The following JUP variants were observed in gnomAD, a reference collection of about 807,000 sequenced individuals.
JUP encodes catenin (cadherin-associated protein), gamma 80kDa.
JUP carries 28 observed loss-of-function variants against 71.1 expected under a neutral mutation model. That is an observed-to-expected ratio of 0.39 (90% confidence interval 0.29 to 0.54). The LOEUF is 0.54. Ranked by LOEUF, JUP falls within the 20% of genes least tolerant of loss-of-function variation. The pLI, the probability that JUP is intolerant of heterozygous loss-of-function variation, is 0.62. For synonymous variants in JUP, 401 were observed against 438.9 expected (o/e 0.91, Z 1.08); for missense variants, 869 against 1,030.1 (o/e 0.84, Z 2.14).
chr17:41,758,981 A>T, intron 8 of JUP, 111 bp from the exon 9 acceptor site: 2 of 1,104,642 alleles, frequency 1.8e-6, no homozygotes, highest in Non-Finnish European at 2.5e-6. Context: ...CCCCGAGGCC[A>T]GACACAGACA....
rs1916678676 is a variant in JUP, at chr17:41,771,728, T to C, written c.127A>G (p.Met43Val). The C allele has an allele frequency of 2.5e-6, 4 of 1,614,158 alleles. No homozygotes were observed. The highest frequency in any genetic ancestry group is 1.1e-5 in the South Asian group (1 of 91,086). ...CVPSVSSKGI[M>V]EEDEACGRQY... ...CGCCCGCAGGCCTCATCCTCCTCCA[T>C]GATGCCCTTGCTGCTGACGGAGGGC... Residue 43 changes from methionine to valine, a missense_variant, in exon 2 of 14, where the codon ATG becomes GTG. Transcript: ENST00000393931.
Position 41,757,398 on chromosome 17 carries a change from C to T in JUP, c.2046+17G>A, listed in dbSNP as rs1914003022. On this transcript the variant is annotated intron_variant, in intron 12 of 13. Coordinates refer to ENST00000393931, the MANE Select transcript of JUP (RefSeq NM_002230.4). ...ACTTGCACAACCAACTACTGTGGTCCAACCTAGGATACTCACAGCCTCCCA... is the reference window on the plus strand; with the variant it reads ...ACTTGCACAACCAACTACTGTGGTCTAACCTAGGATACTCACAGCCTCCCA... The T allele has an allele frequency of 3.7e-6, 6 of 1,614,058 alleles. No homozygotes were observed. Among genetic ancestry groups the T allele is most frequent in the Non-Finnish European group, 4.2e-6 (5 of 1,179,998 alleles).
chr17:41,756,264 C>G (rs377537207), intron 12 of JUP, 50 bp from the exon 13 acceptor site: 3 of 1,573,366 alleles, frequency 1.9e-6, no homozygotes, highest in Non-Finnish European at 2.6e-6. Context: ...ATGCAGGCTC[C>G]GAGCTGGATC....
At chr17:41,782,827 C>T (rs1383459699) in intron 1 of JUP, among the ~76,000 whole-genome samples, 3 of 151,974 alleles carry the variant, frequency 2.0e-5, no homozygotes, top group Non-Finnish European at 2.9e-5. Flanking sequence ...AAATCCTTTC[C>T]GCTCACACCT....
At chr17:41,759,294 CG>C (rs1366271612) in intron 8 of JUP, among the ~76,000 whole-genome samples, 2 of 152,038 alleles carry the variant, frequency 1.3e-5, no homozygotes, top group Non-Finnish European at 2.9e-5. Context: ...AGGCTGGCCT[CG>C]AACCCCTGAC....
At chr17:41,774,931 T>C (rs1917215974) in intron 1 of JUP, among the ~76,000 whole-genome samples, 1 of 151,848 alleles carries the variant, frequency 6.6e-6, no homozygotes, top group African/African-American at 2.4e-5. Flanking sequence ...TGAAATCCTG[T>C]CTCTACTAAA....
At chr17:41,779,293 G>A (rs1191959948) in intron 1 of JUP, among the ~76,000 whole-genome samples, 2 of 149,864 alleles carry the variant, frequency 1.3e-5, no homozygotes, top group African/African-American at 2.4e-5. Context: ...GATTATGGGC[G>A]ATTTTTTTTC....
intron 5 of JUP, among the ~76,000 whole-genome samples, 181 bp downstream of exon 5, chr17:41,767,197 AT>A (rs373020891): frequency 1.3e-4 from 19 of 150,912 alleles, no homozygotes; most frequent in African/African-American, 3.2e-4. Flanking sequence ...AGGATGAGTG[AT>A]TTTTTTTTTC....
In JUP at chr17:41,758,791, C is replaced by T. The variant is rs781945506; in HGVS notation, c.1577G>A (p.Arg526His). 17 of 1,611,228 alleles carry T rather than the reference C, an allele frequency of 1.1e-5. 1 individual carries two copies. The highest frequency in any genetic ancestry group is 1.6e-4 in the Middle Eastern group (1 of 6,074). Residue 526 changes from arginine (R) to histidine (H), a missense_variant, in exon 9 of 14, where the codon CGC (arginine) becomes CAC (histidine). Coordinates refer to ENST00000393931, the MANE Select transcript of JUP (RefSeq NM_002230.4). ...APLQEAAVIP[R>H]LVQLLVKAHQ... ...GGCCTTCACCAGCAGTTGGACGAGG[C>T]GGGGGATGACCGCTGCCTCCTGCAG...
rs71373452 is a variant in JUP, at chr17:41,772,791, T to C, written c.-8-929A>G. The stretch of plus-strand genomic sequence containing the variant: ...TGGTCACTGCCGTCAGGAACCCCTC[T>C]CTCTCTCTGCAAAGGTTTAGGCGCA... On this transcript the variant is annotated intron_variant, in intron 1 of 13. Transcript: ENST00000393931. 10,064 of 985,162 alleles carry C rather than the reference T, an allele frequency of 0.01. 776 individuals are homozygous for C. In the African/African-American group the frequency reaches 0.16, roughly 16 times the overall value. The allele number at this position is 985,162 out of a possible 1,614,324, so 61.0% of individuals were successfully genotyped here. A position where few individuals can be genotyped will look rare whatever the true frequency, so the allele number is the denominator to read the frequency against.
rs727504778 is a variant in JUP at position 41,757,528 on chromosome 17, C to T, written c.1933G>A (p.Ala645Thr). ...HSRNEGTATY[A>T]AAVLFRISED... ...GAGATGCGGAACAGGACGGCAGCAG[C>T]GTAGGTGGCTGAGCAGAGAGGAAAG... Residue 645 changes from alanine (A) to threonine (T), a missense_variant, in exon 12 of 14, where the codon GCT becomes ACT. Transcript: ENST00000393931. The T allele has an allele frequency of 2.6e-5, 42 of 1,614,180 alleles. 1 individual carries two copies. The South Asian group carries it at 2.6e-4, about 10-fold the overall frequency.
chr17:41,773,903 C>T (rs1917054869), intron 1 of JUP, among the ~76,000 whole-genome samples: 1 of 152,192 alleles, frequency 6.6e-6, no homozygotes, highest in African/African-American at 2.4e-5. Context: ...CACTGAATGC[C>T]GCTCTGCTGG....
chr17:41,772,497 C>T (rs1437191549), intron 1 of JUP, among the ~76,000 whole-genome samples: 2 of 152,166 alleles, frequency 1.3e-5, no homozygotes, highest in Non-Finnish European at 2.9e-5. Flanking sequence ...CTCCCAGTCC[C>T]TAGACGCCTC....
intron 1 of JUP, among the ~76,000 whole-genome samples, chr17:41,773,442 C>A (rs1274976628): frequency 1.3e-5 from 2 of 152,242 alleles, no homozygotes; most frequent in East Asian, 3.9e-4. Context: ...TCTCCTCCCG[C>A]AATCCCTAGT....
chr17:41,782,252 A>C (rs2047203976), intron 1 of JUP, among the ~76,000 whole-genome samples: 1 of 152,150 alleles, frequency 6.6e-6, no homozygotes, highest in South Asian at 2.1e-4. Context: ...CAGGCAGCAC[A>C]CATGACCCCC....
chr17:41,781,871 A>G (rs1336028424), intron 1 of JUP, among the ~76,000 whole-genome samples: 4 of 152,156 alleles, frequency 2.6e-5, no homozygotes, highest in Non-Finnish European at 5.9e-5. Flanking sequence ...TCCCTTCAGT[A>G]AGTGCATCGG....
chr17:41,764,615 C>A lies in JUP; in HGVS notation c.1158+98G>T. Reference sequence around the variant, plus strand: ...AGTCACAAGGAAGAGAGATTTAGAGCCCCCAGTCCTCCCACAGTACCTCAG... The same window carrying A: ...AGTCACAAGGAAGAGAGATTTAGAGACCCCAGTCCTCCCACAGTACCTCAG... On this transcript the variant is annotated intron_variant, in intron 7 of 13. Coordinates refer to ENST00000393931, the MANE Select transcript of JUP (RefSeq NM_002230.4). The A allele has an allele frequency of 7.9e-6, 7 of 883,328 alleles. No homozygotes were observed. The South Asian group carries it at 9.3e-5, about 12-fold the overall frequency. 54.7% of individuals were successfully genotyped at this position (883,328 alleles called of 1,614,324 possible).
At chr17:41,760,959 C>A (rs1914708993) in intron 8 of JUP, among the ~76,000 whole-genome samples, 2 of 152,318 alleles carry the variant, frequency 1.3e-5, no homozygotes, top group South Asian at 4.1e-4. Context: ...GTAGCTTCCT[C>A]ACTCTCTGGC....
intron 1 of JUP, among the ~76,000 whole-genome samples, chr17:41,779,832 A>AT (rs540094732): frequency 0.56 from 78,397 of 139,706 alleles, 22,158 homozygotes; most frequent in Middle Eastern, 0.67. Flanking sequence ...TGCTTGGCTA[A>AT]TTTTTTTTTT....
Sources: gnomAD v4.1 joint callset for allele counts (sites outside exome capture counted in the v4.1 genomes callset) on GRCh38, gnomAD v4.1.1 for gene constraint, MANE v1.5 for transcripts, NCBI Gene and HGNC (gene_info 2026-07-23, HGNC 2026-07-21) for gene names.